The following PTER variants were observed in gnomAD, a reference collection of about 807,000 sequenced individuals.
The protein encoded by PTER is phosphotriesterase related.
PTER carries 38 observed loss-of-function variants against 29.6 expected under a neutral mutation model. The ratio of observed to expected loss-of-function variants is 1.28; its 90% CI spans 0.99 to 1.68. PTER has a LOEUF of 1.68. Ranked by LOEUF, PTER falls within the 40% of genes most tolerant of loss-of-function variation. The pLI is 0.00. For synonymous variants in PTER, 172 were observed against 154.5 expected (o/e 1.11, Z -0.84); for missense variants, 482 against 427.8 (o/e 1.13, Z -1.12).
chr10:16,484,929 A>G, intron 2 of PTER, 113 bp downstream of exon 2: 1 of 1,232,452 alleles, frequency 8.1e-7, no homozygotes. Context: ...TTTGCTAGCT[A>G]GCAAAGACAT....
chr10:16,517,735 ATTATC>A (rs1836975570), downstream of PTER, among the ~76,000 whole-genome samples: 1 of 152,196 alleles, frequency 6.6e-6, no homozygotes, highest in South Asian at 2.1e-4. Flanking sequence ...TAGTTTTAGC[ATTATC>A]TTATTAGTGA....
intron 1 of PTER, among the ~76,000 whole-genome samples, chr10:16,444,774 A>G (rs1240364634): frequency 6.6e-6 from 1 of 152,192 alleles, no homozygotes; most frequent in African/African-American, 2.4e-5. Flanking sequence ...GTCCATATCT[A>G]TAATGCATAC....
In PTER at chr10:16,512,779, G is replaced by GT. The variant is rs1836863199; in HGVS notation, c.*1528dup. Reference sequence around the variant, plus strand: ...AAGCAAGCAAATTTTTAAAATCTCTGTTTTTGAAATCTACTCGTCAAAGAG... The same window carrying GT: ...AAGCAAGCAAATTTTTAAAATCTCTGTTTTTTGAAATCTACTCGTCAAAGAG... On this transcript the variant is annotated 3_prime_UTR_variant, in exon 5 of 5. Coordinates refer to ENST00000535784, the MANE Select transcript of PTER (RefSeq NM_001261836.2). 2.0e-5 allele frequency: 3 copies of GT among 152,374 alleles called. No individual in the cohort carries two copies. Among genetic ancestry groups the GT allele is most frequent in the Admixed American group, 1.3e-4 (2 of 15,264 alleles). 9.4% of individuals were successfully genotyped at this position (152,374 alleles called of 1,614,324 possible).
chr10:16,464,779 G>C (rs1834747982), intron 1 of PTER, among the ~76,000 whole-genome samples: 1 of 152,180 alleles, frequency 6.6e-6, no homozygotes, highest in Non-Finnish European at 1.5e-5. Flanking sequence ...CAGGGCACTT[G>C]CTTTGTACCT....
chr10:16,470,505 C>A (rs909977770), intron 1 of PTER, among the ~76,000 whole-genome samples: 2 of 152,216 alleles, frequency 1.3e-5, no homozygotes, highest in Non-Finnish European at 2.9e-5. Flanking sequence ...CGGTGGCTCA[C>A]GCCTGTAATC....
At chr10:16,461,012 T>G (rs1834594374) in intron 1 of PTER, among the ~76,000 whole-genome samples, 1 of 152,198 alleles carries the variant, frequency 6.6e-6, no homozygotes. Flanking sequence ...CCACCGCACC[T>G]GGCCAAAAAT....
chr10:16,516,177 C>T (rs560598906), downstream of PTER, among the ~76,000 whole-genome samples: 16 of 152,104 alleles, frequency 1.1e-4, no homozygotes, highest in Non-Finnish European at 1.8e-4. Flanking sequence ...TAACGCTGTA[C>T]TAACAGGCAC....
intron 2 of PTER, 50 bp downstream of exon 2, chr10:16,484,866 C>T: frequency 4.0e-6 from 6 of 1,515,816 alleles, no homozygotes; most frequent in Non-Finnish European, 5.3e-6. Context: ...TTCAGAACAG[C>T]CAGAACCTTG....
intron 3 of PTER, among the ~76,000 whole-genome samples, chr10:16,501,328 TACAC>T (rs35321143): frequency 0.037 from 4,320 of 117,174 alleles, 104 homozygotes; most frequent in African/African-American, 0.078. Flanking sequence ...AATGAATAAC[TACAC>T]ACACACACAC....
intron 4 of PTER, 136 bp from the exon 5 acceptor site, chr10:16,510,910 C>A: frequency 1.5e-6 from 1 of 679,906 alleles, no homozygotes; most frequent in Non-Finnish European, 2.5e-6. Flanking sequence ...TATTAAAGGT[C>A]TCTCAGTACA....
intron 1 of PTER, among the ~76,000 whole-genome samples, chr10:16,446,426 A>G (rs115559070): frequency 0.018 from 2,727 of 152,054 alleles, 91 homozygotes; most frequent in African/African-American, 0.063. Flanking sequence ...CACCATGTTG[A>G]TCAGGCTGGT....
intron 1 of PTER, among the ~76,000 whole-genome samples, chr10:16,467,871 A>C (rs941176894): frequency 6.6e-6 from 1 of 152,224 alleles, no homozygotes; most frequent in Non-Finnish European, 1.5e-5. Flanking sequence ...GATACAGGAA[A>C]GTTGAAAAAG....
chr10:16,517,575 A>G (rs1328940466), downstream of PTER, among the ~76,000 whole-genome samples: 3 of 152,196 alleles, frequency 2.0e-5, no homozygotes, highest in Non-Finnish European at 4.4e-5. Context: ...TTCCAAATGT[A>G]AAGCTATTTG....
At chr10:16,474,833 G>T (rs1835200459) in intron 1 of PTER, among the ~76,000 whole-genome samples, 1 of 152,094 alleles carries the variant, frequency 6.6e-6, no homozygotes, top group South Asian at 2.1e-4. Flanking sequence ...GTTGCAGTGA[G>T]CCGAGATCGC....
At chr10:16,471,041 C>T (rs988137286) in intron 1 of PTER, among the ~76,000 whole-genome samples, 5 of 152,268 alleles carry the variant, frequency 3.3e-5, no homozygotes, top group African/African-American at 4.8e-5. Context: ...ATTATTCAGG[C>T]CATGGAGCTT....
chr10:16,510,218 G>C (rs1182669066), intron 4 of PTER, among the ~76,000 whole-genome samples: 3 of 152,156 alleles, frequency 2.0e-5, no homozygotes, highest in Non-Finnish European at 2.9e-5. Context: ...TACAGATGGT[G>C]GCTGTCAGGA....
intron 1 of PTER, among the ~76,000 whole-genome samples, chr10:16,452,986 GTGA>G (rs1312041203): frequency 2.0e-5 from 3 of 152,200 alleles, no homozygotes; most frequent in Non-Finnish European, 2.9e-5. Flanking sequence ...CTGACCTCAA[GTGA>G]TCTGCCTGCC....
chr10:16,484,263 C>T, intron 1 of PTER, 74 bp from the exon 2 acceptor site: 2 of 970,730 alleles, frequency 2.1e-6, no homozygotes, highest in Non-Finnish European at 3.1e-6. Flanking sequence ...CAGCCTCCCA[C>T]CCCTTACGGA....
At chr10:16,509,104 A>G (rs1472945158) in intron 4 of PTER, among the ~76,000 whole-genome samples, 3 of 152,106 alleles carry the variant, frequency 2.0e-5, no homozygotes, top group Admixed American at 6.5e-5. Flanking sequence ...TTGTATTTCT[A>G]TAATTACCGT....
Sources: allele counts gnomAD v4.1 joint callset (sites outside exome capture counted in the v4.1 genomes callset), GRCh38; gene constraint gnomAD v4.1.1; transcripts MANE v1.5; gene names NCBI Gene and HGNC (gene_info 2026-07-23, HGNC 2026-07-21).